Variants in SLCO1B3 observed in about 807,000 individuals in gnomAD.
SLCO1B3 encodes the protein liver-specific organic anion transporter 2.
In SLCO1B3, 72 loss-of-function variants were observed where a neutral mutation model predicts 71.8. The observed-to-expected ratio is 1.00, with a 90% CI of 0.83 to 1.22. SLCO1B3 has a LOEUF of 1.22. Ranked by LOEUF, SLCO1B3 falls within the 50% of genes most tolerant of loss-of-function variation. The probability of loss-of-function intolerance (pLI) is 0.00; values close to 1 mark genes in which losing one functional copy is unlikely to be tolerated. For synonymous variants in SLCO1B3, 298 were observed against 278.4 expected, an observed-to-expected ratio of 1.07 and a Z score of -0.70; for missense variants, 911 against 819.7, an observed-to-expected ratio of 1.11 and a Z score of -1.36.
At chr12:20,822,153 G>A (rs1864324950) in intron 3 of SLCO1B3, among the ~76,000 whole-genome samples, 1 of 152,182 alleles carries the variant, frequency 6.6e-6, no homozygotes, top group Admixed American at 6.5e-5. Flanking sequence ...ATCTCCCAAG[G>A]GAGGTCCCCC....
At chr12:20,829,187 G>A (rs1201927854) in intron 3 of SLCO1B3, among the ~76,000 whole-genome samples, 1 of 152,152 alleles carries the variant, frequency 6.6e-6, no homozygotes, top group African/African-American at 2.4e-5. Flanking sequence ...ACAATTTATA[G>A]GATCGCTGAG....
intron 8 of SLCO1B3, among the ~76,000 whole-genome samples, chr12:20,871,441 G>T (rs947866450): frequency 2.6e-5 from 4 of 152,090 alleles, no homozygotes; most frequent in Admixed American, 6.5e-5. Context: ...GTGAGGTCAT[G>T]TTTTCCTGGC....
intron 3 of SLCO1B3, among the ~76,000 whole-genome samples, chr12:20,837,396 G>A (rs1166823155): frequency 1.3e-5 from 2 of 151,746 alleles, no homozygotes; most frequent in African/African-American, 4.8e-5. Context: ...AGTTTCCTAA[G>A]GTAGAAACTT....
At chr12:20,892,682 G>T (rs546662666) in intron 13 of SLCO1B3, among the ~76,000 whole-genome samples, 37 of 152,154 alleles carry the variant, frequency 2.4e-4, no homozygotes, top group Non-Finnish European at 4.4e-4. Flanking sequence ...AATGTAATCA[G>T]ATGAGAAAGA....
In SLCO1B3 at chr12:20,832,943, CA is replaced by C. The variant is rs1414574351; in HGVS notation, c.84+17129del. Reference sequence around the variant, plus strand: ...CGTGTGTTTAATGGCATAAAACAAACAAAAAAAATTATCTTAGAGATCTAAA... The same window carrying C: ...CGTGTGTTTAATGGCATAAAACAAACAAAAAAATTATCTTAGAGATCTAAA... On this transcript the variant is annotated intron_variant, in intron 3 of 15. Coordinates refer to ENST00000381545, the MANE Select transcript of SLCO1B3 (RefSeq NM_019844.4). Among the ~76,000 whole-genome samples the C allele has an allele frequency of 2.2e-4, 26 of 115,590 alleles. No homozygotes were observed. In the South Asian group the frequency reaches 4.6e-3, roughly 20 times the overall value. 75.8% of individuals were successfully genotyped at this position (115,590 alleles called of 152,430 possible).
intron 6 of SLCO1B3, among the ~76,000 whole-genome samples, chr12:20,862,099 C>T (rs1225264114): frequency 6.6e-6 from 1 of 152,004 alleles, no homozygotes; most frequent in Non-Finnish European, 1.5e-5. Context: ...TGTATATGCA[C>T]CTTAAAAATA....
At chr12:20,854,301 G>GGATCAT (rs1865086582) in intron 3 of SLCO1B3, among the ~76,000 whole-genome samples, 1 of 67,180 alleles carries the variant, frequency 1.5e-5, no homozygotes, top group South Asian at 1.1e-3. Flanking sequence ...GGATATTGAA[G>GGATCAT]TATCATTATT....
At chr12:20,849,860 T>TA (rs993204827) in intron 3 of SLCO1B3, among the ~76,000 whole-genome samples, 35 of 151,500 alleles carry the variant, frequency 2.3e-4, no homozygotes, top group Admixed American at 1.4e-3. Flanking sequence ...ACAAAAAGGT[T>TA]AAAAAAAATC....
At chr12:20,845,831 T>C (rs1351621643) in intron 3 of SLCO1B3, among the ~76,000 whole-genome samples, 2 of 152,210 alleles carry the variant, frequency 1.3e-5, no homozygotes, top group Non-Finnish European at 2.9e-5. Context: ...AGTTCTCCAC[T>C]ATAATTGTGT....
At chr12:20,900,305 A>T (rs1158945361) in intron 14 of SLCO1B3, among the ~76,000 whole-genome samples, 1 of 152,172 alleles carries the variant, frequency 6.6e-6, no homozygotes, top group Non-Finnish European at 1.5e-5. Context: ...TAAAACATTC[A>T]TGTATAAATC....
intron 3 of SLCO1B3, among the ~76,000 whole-genome samples, chr12:20,816,579 T>C (rs1160077158): frequency 6.6e-6 from 1 of 152,186 alleles, no homozygotes; most frequent in Non-Finnish European, 1.5e-5. Context: ...ATGTCCCACT[T>C]TTTTTTACGC....
chr12:20,873,709 A>G (rs748804840), intron 8 of SLCO1B3, among the ~76,000 whole-genome samples: 1 of 152,100 alleles, frequency 6.6e-6, no homozygotes, highest in Non-Finnish European at 1.5e-5. Context: ...TCAACCCATC[A>G]CCTAGGTATT....
chr12:20,840,957 A>C (rs1020733967), intron 3 of SLCO1B3, among the ~76,000 whole-genome samples: 1 of 152,236 alleles, frequency 6.6e-6, no homozygotes, highest in African/African-American at 2.4e-5. Flanking sequence ...ATTTACTATA[A>C]GATCCAGGTC....
intron 3 of SLCO1B3, among the ~76,000 whole-genome samples, chr12:20,830,822 A>T (rs1412521464): frequency 6.6e-6 from 1 of 152,208 alleles, no homozygotes; most frequent in African/African-American, 2.4e-5. Flanking sequence ...GGCAATCATA[A>T]GGAAAAAGTA....
chr12:20,891,254 C>G (rs1240676992), intron 13 of SLCO1B3, among the ~76,000 whole-genome samples: 1 of 151,888 alleles, frequency 6.6e-6, no homozygotes, highest in Non-Finnish European at 1.5e-5. Context: ...TTGGGAAGTA[C>G]TACTTTTCTT....
At chr12:20,845,199 C>CAACG in intron 3 of SLCO1B3, 1 of 354,426 alleles carries the variant, frequency 2.8e-6, no homozygotes, top group Non-Finnish European at 5.7e-6. Context: ...ATGGGAGAAG[C>CAACG]AGATCTACAC....
chr12:20,825,385 G>A (rs1033556680), intron 3 of SLCO1B3, among the ~76,000 whole-genome samples: 3 of 152,138 alleles, frequency 2.0e-5, no homozygotes, highest in African/African-American at 7.2e-5. Context: ...CATGAATGCA[G>A]TTTATTTTGA....
Position 20,879,205 on chromosome 12 carries a change from C to CTTTTTTTTT in SLCO1B3, c.1136-218_1136-210dup, listed in dbSNP as rs4149166. ...CCACCCTAGTGTGCCACCCTTCTCT[C>CTTTTTTTTT]TTTTTTTTTTTTTTTTTTTTTGAGA... is the stretch of plus-strand genomic sequence containing the variant. On this transcript the variant is annotated intron_variant, in intron 10 of 15. Transcript: ENST00000381545. Among the ~76,000 whole-genome samples, 45 of 95,202 alleles carry CTTTTTTTTT rather than the reference C, an allele frequency of 4.7e-4. 2 individuals carry two copies. The highest frequency in any genetic ancestry group is 7.4e-4 in the Admixed American group (5 of 6,798). 62.5% of individuals were successfully genotyped at this position (95,202 alleles called of 152,430 possible).
intron 1 of SLCO1B3, among the ~76,000 whole-genome samples, chr12:20,812,864 GT>G (rs138180257): frequency 0.24 from 35,978 of 151,934 alleles, 4,597 homozygotes; most frequent in Middle Eastern, 0.35. Flanking sequence ...TGCCTTGCAA[GT>G]CGTTCAAAAA....
Sources: gnomAD v4.1 joint callset for allele counts (sites outside exome capture counted in the v4.1 genomes callset) on GRCh38, gnomAD v4.1.1 for gene constraint, MANE v1.5 for transcripts, NCBI Gene and HGNC (gene_info 2026-07-23, HGNC 2026-07-21) for gene names.